Variants in PITPNM2 observed in about 807,000 individuals in gnomAD.
PITPNM2 encodes the protein membrane-associated phosphatidylinositol transfer protein 2.
Under a neutral mutation model 132.2 loss-of-function variants are expected in PITPNM2, and 35 were observed. The observed-to-expected ratio is 0.26, with a 90% CI of 0.20 to 0.35. PITPNM2 has a LOEUF of 0.35. Among genes scored for constraint, PITPNM2 ranks in the 10% least tolerant of loss-of-function variants. The pLI is 1.00. For synonymous variants in PITPNM2, 738 were observed against 799.2 expected (o/e 0.92, Z 1.29); for missense variants, 1,332 against 1,912.0 (o/e 0.70, Z 5.66).
At chr12:123,126,525 G>A (rs1405271988) in intron 1 of PITPNM2, among the ~76,000 whole-genome samples, 1 of 152,130 alleles carries the variant, frequency 6.6e-6, no homozygotes, top group Admixed American at 6.6e-5. Context: ...AACCACTATG[G>A]TTAAAATAAG....
chr12:123,041,306 G>A (rs1254066626), intron 2 of PITPNM2, among the ~76,000 whole-genome samples: 1 of 152,178 alleles, frequency 6.6e-6, no homozygotes, highest in Non-Finnish European at 1.5e-5. Flanking sequence ...TGGAAGGCGG[G>A]TCCCTGAGAT....
Position 123,058,103 on chromosome 12 carries a change from G to C in PITPNM2, c.-95-23418C>G, listed in dbSNP as rs1416904597. ...CTCTTCAAAGTACTTACGAACCCAC[G>C]TTCTTCACTTCTTCTTTTTGGGCAT... On this transcript the variant is annotated intron_variant, in intron 2 of 25. Coordinates refer to ENST00000320201, the MANE Select transcript of PITPNM2 (RefSeq NM_020845.3). The surrounding 1 kb of genome is among the most constrained non-coding windows in gnomAD (Gnocchi z 4.0). 6.6e-6 allele frequency among the ~76,000 whole-genome samples: 1 copy of C among 152,150 alleles called. No homozygotes were observed. Among genetic ancestry groups the C allele is most frequent in the African/African-American group, 2.4e-5 (1 of 41,426 alleles).
rs10658758 is a variant in PITPNM2, at chr12:123,132,521, C to CTTT, written c.-200+18229_-200+18231dup. Among the ~76,000 whole-genome samples the CTTT allele has an allele frequency of 2.6e-3, 381 of 145,036 alleles. 1 individual carries two copies. The highest frequency in any genetic ancestry group is 9.2e-3 in the African/African-American group (365 of 39,740). On this transcript the variant is annotated intron_variant, in intron 1 of 25. Transcript: ENST00000320201. ...GTCATTCTTTTGTTCTTTTCTTTCC[C>CTTT]TTTTTTTTTTTTTACCATTTTGACA...
At chr12:123,018,348 G>T (rs1463203471) in intron 3 of PITPNM2, among the ~76,000 whole-genome samples, 3 of 139,436 alleles carry the variant, frequency 2.2e-5, no homozygotes, top group African/African-American at 8.7e-5. Context: ...AGGTTGGAGT[G>T]CAGTGGCACG....
rs200472970 is a variant in PITPNM2 at position 122,996,956 on chromosome 12, G to C, written c.1473-46C>G. The C allele has an allele frequency of 1.1e-4, 167 of 1,474,332 alleles. No individual in the cohort carries two copies. The African/African-American group carries it at 2.1e-3, about 18-fold the overall frequency. 91.3% of individuals were successfully genotyped at this position (1,474,332 alleles called of 1,614,324 possible). ...AGAGAGGGCAGGCGGCTCCAGCTCA[G>C]CCCAAAGGGCCCCTCTCCCCTGACC... On this transcript the variant is annotated intron_variant, in intron 11 of 25. Coordinates refer to ENST00000320201, the MANE Select transcript of PITPNM2 (RefSeq NM_020845.3).
intron 1 of PITPNM2, among the ~76,000 whole-genome samples, chr12:123,120,120 T>C (rs1342361898): frequency 6.6e-6 from 1 of 152,216 alleles, no homozygotes; most frequent in Non-Finnish European, 1.5e-5. Flanking sequence ...GGCCTGGCTT[T>C]GGTTTTGTCA....
intron 2 of PITPNM2, among the ~76,000 whole-genome samples, chr12:123,103,067 G>A (rs2042604636): frequency 1.3e-5 from 2 of 152,176 alleles, no homozygotes; most frequent in Admixed American, 6.5e-5. Flanking sequence ...GGGACTACAG[G>A]TACATACCAC....
chr12:123,057,630 A>G (rs1005769018), intron 2 of PITPNM2, among the ~76,000 whole-genome samples: 5 of 152,194 alleles, frequency 3.3e-5, no homozygotes, highest in Non-Finnish European at 7.3e-5. Flanking sequence ...TATGGACACC[A>G]AAGCTGGGGC....
At position 122,997,336 on chromosome 12, in the gene PITPNM2, G is replaced by T. The variant is rs1280881095; in HGVS notation, c.1461C>A (p.Ala487=). 1 of 1,612,822 alleles carries T rather than the reference G, an allele frequency of 6.2e-7. No individual in the cohort carries two copies. The highest frequency in any genetic ancestry group is 8.5e-7 in the Non-Finnish European group (1 of 1,179,926). ...CAGATGCCACTCACTTGGAGACCAG[G>T]GCAAAGGCGTCAGAGCAGACGGGCG... ...PCPPVCSDAF[A]LVSNLSPYSH... is the part of the protein sequence containing the mutation. The change falls in exon 11 of 26, where the codon GCC becomes GCA. Residue 487 remains alanine (A), a synonymous_variant. Transcript: ENST00000320201.
At position 123,036,199 on chromosome 12, in the gene PITPNM2, C is replaced by CTAAA. The variant is rs2136478428; in HGVS notation, c.-95-1515_-95-1514insTTTA. 6.6e-6 allele frequency among the ~76,000 whole-genome samples: 1 copy of CTAAA among 152,324 alleles called. No homozygotes were observed. Among genetic ancestry groups the CTAAA allele is most frequent in the African/African-American group, 2.4e-5 (1 of 41,570 alleles). On this transcript the variant is annotated intron_variant, in intron 2 of 25. Transcript: ENST00000320201. This position sits in a 1 kb window ranked among gnomAD's most constrained non-coding sequence, Gnocchi z 4.1. ...GTATCACCCAGGTGCTAAAGCATTACTGGGTAGCTAACAAGGTTGAGAAAA... is the reference window on the plus strand; with the variant it reads ...GTATCACCCAGGTGCTAAAGCATTACTAAATGGGTAGCTAACAAGGTTGAGAAAA...
Position 123,005,686 on chromosome 12 carries a change from T to C in PITPNM2, c.644-138A>G, listed in dbSNP as rs1366275527. The C allele has an allele frequency of 7.8e-6, 6 of 765,748 alleles. No individual in the cohort carries two copies. Among genetic ancestry groups the C allele is most frequent in the South Asian group, 1.8e-5 (1 of 56,676 alleles). 47.4% of individuals were successfully genotyped at this position (765,748 alleles called of 1,614,324 possible). A position where few individuals can be genotyped will look rare whatever the true frequency, so the allele number is the denominator to read the frequency against. On this transcript the variant is annotated intron_variant, in intron 6 of 25. Transcript: ENST00000320201. This position sits in a 1 kb window ranked among gnomAD's most constrained non-coding sequence, Gnocchi z 6.2. ...CAGGTCAAACTAAAGTCACTGCCTG[T>C]CTGTGCCTCAGTTTCCCCATTTGTA...
rs1043847753 is a variant in PITPNM2 at position 123,111,137 on chromosome 12, C to T, written c.-199-649G>A. ...AGCCTCAGAGATGACAAAGTCTTCA[C>T]AGGTACCACTGAAGCCACTACCCAA... is the stretch of plus-strand genomic sequence containing the variant. On this transcript the variant is annotated intron_variant, in intron 1 of 25. Coordinates refer to ENST00000320201, the MANE Select transcript of PITPNM2 (RefSeq NM_020845.3). The surrounding 1 kb of genome is among the most constrained non-coding windows in gnomAD (Gnocchi z 4.1). Among the ~76,000 whole-genome samples the T allele has an allele frequency of 6.6e-6, 1 of 152,230 alleles. No homozygotes were observed. Among genetic ancestry groups the T allele is most frequent in the South Asian group, 2.1e-4 (1 of 4,832 alleles).
intron 2 of PITPNM2, among the ~76,000 whole-genome samples, chr12:123,107,146 A>T (rs957345601): frequency 2.0e-5 from 3 of 152,176 alleles, no homozygotes; most frequent in African/African-American, 7.2e-5. Flanking sequence ...CTTTCTCCTC[A>T]GGAGACAGTG....
chr12:123,113,388 A>G (rs2042878335), intron 1 of PITPNM2, among the ~76,000 whole-genome samples: 1 of 152,208 alleles, frequency 6.6e-6, no homozygotes, highest in East Asian at 1.9e-4. Context: ...CAATTTAGAT[A>G]TAATTCACAC....
intron 1 of PITPNM2, among the ~76,000 whole-genome samples, chr12:123,127,227 C>T (rs1168281372): frequency 6.6e-6 from 1 of 152,198 alleles, no homozygotes; most frequent in Non-Finnish European, 1.5e-5. Context: ...AGATGCTGAA[C>T]ACCCTGCATC....
intron 1 of PITPNM2, among the ~76,000 whole-genome samples, chr12:123,134,482 G>A (rs769637814): frequency 6.6e-6 from 1 of 152,124 alleles, no homozygotes; most frequent in Non-Finnish European, 1.5e-5. Flanking sequence ...AATGGGCTTC[G>A]CATGAGTCAG....
At chr12:123,143,455 C>T (rs2043548481) in intron 1 of PITPNM2, among the ~76,000 whole-genome samples, 1 of 152,256 alleles carries the variant, frequency 6.6e-6, no homozygotes, top group African/African-American at 2.4e-5. Context: ...AGAGGAGAAA[C>T]AGTAATAATC....
In PITPNM2 at chr12:122,994,817, G is replaced by T; in HGVS notation, c.2217C>A (p.Val739=). 6.2e-7 allele frequency: 1 copy of T among 1,610,634 alleles called. No homozygotes were observed. Among genetic ancestry groups the T allele is most frequent in the South Asian group, 1.1e-5 (1 of 91,024 alleles). Residue 739 remains valine, a synonymous_variant, in exon 15 of 26, where the codon GTC becomes GTA. Transcript: ENST00000320201. The surrounding 1 kb of genome is among the most constrained non-coding windows in gnomAD (Gnocchi z 5.4). ...GGCTCTCACCATCCAGGGCTGGGAT[G>T]ACAGTCTTCCTCAAGGCCAGGACCA... The part of the protein sequence containing the change: ...LGLVLALRKT[V]IPALDVFQLR...
rs980923465 is a variant in PITPNM2, at chr12:122,983,604, C to G, written c.*2423G>C. On this transcript the variant is annotated 3_prime_UTR_variant, in exon 26 of 26. Transcript: ENST00000320201. Reference sequence around the variant, plus strand: ...ATGGGGACACTGCTCACACATGGCCCAGAGAAACAGACGGCACACGGACAG... The same window carrying G: ...ATGGGGACACTGCTCACACATGGCCGAGAGAAACAGACGGCACACGGACAG... 3 of 152,584 alleles carry G rather than the reference C, an allele frequency of 2.0e-5. No homozygotes were observed. The highest frequency in any genetic ancestry group is 7.2e-5 in the African/African-American group (3 of 41,402). 9.5% of individuals were successfully genotyped at this position (152,584 alleles called of 1,614,324 possible).
Sources: allele counts gnomAD v4.1 joint callset (sites outside exome capture counted in the v4.1 genomes callset), GRCh38; gene constraint gnomAD v4.1.1; non-coding constraint Gnocchi (gnomAD v3.1); transcripts MANE v1.5; gene names NCBI Gene and HGNC (gene_info 2026-07-23, HGNC 2026-07-21).